The following CCDC197 variants were observed in gnomAD, a reference collection of about 807,000 sequenced individuals.
The protein encoded by CCDC197 is uncharacterized protein CCDC197.
In CCDC197, 24 loss-of-function variants were observed where a neutral mutation model predicts 13.4. The observed-to-expected ratio is 1.80, with a 90% CI of 1.30 to 2.53. The LOEUF (loss-of-function observed/expected upper bound fraction) is 2.53, where lower values mean the gene tolerates loss of function less well. Ranked by LOEUF, CCDC197 falls within the 30% of genes most tolerant of loss-of-function variation. The pLI is 0.00. For missense variants in CCDC197, 255 were observed against 148.8 expected, an observed-to-expected ratio of 1.71 and a Z score of -3.71; for synonymous variants, 99 against 55.5, an observed-to-expected ratio of 1.78 and a Z score of -3.48.
chr14:93,990,135 A>AGG (rs1890182728), intron 1 of CCDC197, among the ~76,000 whole-genome samples: 1 of 152,202 alleles, frequency 6.6e-6, no homozygotes, highest in Non-Finnish European at 1.5e-5. Context: ...CCCGTGGGTA[A>AGG]TCTTCCTAGT....
At chr14:93,999,970 G>A (rs1056561673) in intron 3 of CCDC197, among the ~76,000 whole-genome samples, 1 of 152,152 alleles carries the variant, frequency 6.6e-6, no homozygotes, top group Non-Finnish European at 1.5e-5. Flanking sequence ...TCCTTTATAA[G>A]CACAGCACAG....
At chr14:94,001,437 T>G (rs557908908) in intron 4 of CCDC197, 114 bp downstream of exon 4, 2 of 555,984 alleles carry the variant, frequency 3.6e-6, no homozygotes, top group Non-Finnish European at 6.4e-6. Context: ...GGCGTAATGC[T>G]GGGGGGCCCT....
intron 4 of CCDC197, among the ~76,000 whole-genome samples, chr14:94,002,869 A>T (rs1271987719): frequency 1.4e-4 from 20 of 146,840 alleles, no homozygotes; most frequent in Admixed American, 1.3e-3. Context: ...AAAAAAAAAC[A>T]AAATTATAAA....
At chr14:94,005,367 G>A (rs775391808) in intron 6 of CCDC197, among the ~76,000 whole-genome samples, 1 of 152,290 alleles carries the variant, frequency 6.6e-6, no homozygotes, top group Middle Eastern at 3.4e-3. Context: ...TTGCACGCAC[G>A]AAGATACAAA....
At position 93,998,185 on chromosome 14, in the gene CCDC197, G is replaced by A; in HGVS notation, c.54G>A (p.Lys18=). The change falls in exon 2 of 7, where the codon AAG becomes AAA. Residue 18 remains lysine (K), a synonymous_variant. Coordinates refer to ENST00000636493, the MANE Select transcript of CCDC197 (RefSeq NM_001351596.2). ...QRADPSNPGD[K]EGDLQGLWQE... is the part of the protein sequence containing the mutation. ...CTGACCCAAGCAATCCTGGTGACAA[G>A]GAAGGGGACCTTCAAGGGCTGTGGC... 1.3e-6 allele frequency: 1 copy of A among 780,830 alleles called. No individual in the cohort carries two copies. The highest frequency in any genetic ancestry group is 2.4e-6 in the Non-Finnish European group (1 of 418,134). 48.4% of individuals were successfully genotyped at this position (780,830 alleles called of 1,614,324 possible). A position where few individuals can be genotyped will look rare whatever the true frequency, so the allele number is the denominator to read the frequency against.
chr14:93,998,862 G>A (rs1461323861), intron 2 of CCDC197, among the ~76,000 whole-genome samples: 3 of 152,188 alleles, frequency 2.0e-5, no homozygotes, highest in Admixed American at 6.5e-5. Context: ...GAAGCAGAGG[G>A]GCTTGCCCTG....
rs1890624013 is a variant in CCDC197 at position 94,004,464 on chromosome 14, G to C, written c.499-391G>C. Among the ~76,000 whole-genome samples, 4 of 152,224 alleles carry C rather than the reference G, an allele frequency of 2.6e-5. No homozygotes were observed. In the South Asian group the frequency reaches 8.3e-4, roughly 32 times the overall value. On this transcript the variant is annotated intron_variant, in intron 5 of 6. Coordinates refer to ENST00000636493, the MANE Select transcript of CCDC197 (RefSeq NM_001351596.2). ...AGGGGCTTAGGGAGGGAGCTGGGTG[G>C]GTCACAGTCTACAGAGCCCCTTTGA... is the stretch of plus-strand genomic sequence containing the variant.
upstream of CCDC197, among the ~76,000 whole-genome samples, chr14:93,992,560 C>A (rs928942394): frequency 6.6e-6 from 1 of 152,198 alleles, no homozygotes; most frequent in African/African-American, 2.4e-5. Context: ...CTGGTCAGAG[C>A]AGCCCCTTCC....
downstream of CCDC197, among the ~76,000 whole-genome samples, chr14:94,010,022 A>G (rs1890782237): frequency 6.6e-6 from 1 of 150,520 alleles, no homozygotes; most frequent in South Asian, 2.1e-4. Context: ...AAAAGAAAAG[A>G]TGCTGACTGT....
chr14:93,999,240 G>A (rs1890414966), intron 2 of CCDC197: 1 of 235,260 alleles, frequency 4.3e-6, no homozygotes, highest in Non-Finnish European at 8.2e-6. Flanking sequence ...AGCTAATAGG[G>A]GCCGGCCTGT....
Position 93,987,554 on chromosome 14 carries a change from C to T in CCDC197, c.-107+158C>T, listed in dbSNP as rs181552606. Among the ~76,000 whole-genome samples the T allele has an allele frequency of 1.9e-3, 291 of 152,328 alleles. 3 individuals carry two copies. Among genetic ancestry groups the T allele is most frequent in the African/African-American group, 6.4e-3 (268 of 41,582 alleles). On this transcript the variant is annotated intron_variant, in intron 1 of 7. Transcript: ENST00000640978. ...GTTGAACCCTTTTGGGCTTGGAATG[C>T]CCTCTCCCTTGGGCCGTCTGGGCCC...
upstream of CCDC197, among the ~76,000 whole-genome samples, chr14:93,996,273 C>T (rs1394612565): frequency 6.6e-6 from 1 of 152,206 alleles, no homozygotes; most frequent in Non-Finnish European, 1.5e-5. Flanking sequence ...GTGCTCAGCA[C>T]ATAAGCGAGG....
At chr14:94,008,925 G>C, downstream of CCDC197, 1 of 613,216 alleles carries the variant, frequency 1.6e-6, no homozygotes. Flanking sequence ...GGGCATTGAG[G>C]GGGTGGTCAG....
intron 6 of CCDC197, among the ~76,000 whole-genome samples, chr14:94,006,811 ATTTG>A (rs1345333278): frequency 6.6e-6 from 1 of 151,988 alleles, no homozygotes; most frequent in Non-Finnish European, 1.5e-5. Context: ...ATGGAATCCA[ATTTG>A]TTTGTTTGTA....
At chr14:93,988,864 G>T in intron 1 of CCDC197, among the ~76,000 whole-genome samples, 1 of 142,762 alleles carries the variant, frequency 7.0e-6, no homozygotes, top group African/African-American at 2.6e-5. Flanking sequence ...AGGAGGGGAT[G>T]GAAGGAGGAG....
At chr14:93,991,900 G>A (rs1329344586) in intron 1 of CCDC197, among the ~76,000 whole-genome samples, 1 of 152,222 alleles carries the variant, frequency 6.6e-6, no homozygotes, top group Non-Finnish European at 1.5e-5. Context: ...GCAAGGAGGA[G>A]CCAGGGCATC....
chr14:94,011,463 G>A (rs8010892), downstream of CCDC197, among the ~76,000 whole-genome samples: 3,985 of 152,354 alleles, frequency 0.026, 144 homozygotes, highest in African/African-American at 0.082. Context: ...CCCCTGGGCA[G>A]GGCTGGGGCC....
At chr14:94,008,462 C>G (rs1179488910) in intron 6 of CCDC197, 147 bp from the exon 7 acceptor site, 1 of 614,938 alleles carries the variant, frequency 1.6e-6, no homozygotes. Flanking sequence ...TGCTCATTTA[C>G]CCAGTGGCAT....
chr14:93,993,499 A>G (rs4905134), upstream of CCDC197, among the ~76,000 whole-genome samples: 94,253 of 152,138 alleles, frequency 0.62, 31,363 homozygotes, highest in East Asian at 0.98. Context: ...AGAGGTCAGT[A>G]CTTTTCCTGA....
Sources: gnomAD v4.1 joint callset for allele counts (sites outside exome capture counted in the v4.1 genomes callset) on GRCh38, gnomAD v4.1.1 for gene constraint, MANE v1.5 for transcripts, NCBI Gene and HGNC (gene_info 2026-07-23, HGNC 2026-07-21) for gene names.